Variants in ZNF507 observed in about 807,000 individuals in gnomAD.
ZNF507 encodes the protein zinc finger protein 507.
A neutral mutation model predicts 80.0 loss-of-function variants in ZNF507; 29 were observed. The ratio of observed to expected loss-of-function variants is 0.36; its 90% CI spans 0.27 to 0.49. The LOEUF (loss-of-function observed/expected upper bound fraction) is 0.49. Ranked by LOEUF, ZNF507 falls within the 20% of genes least tolerant of loss-of-function variation. The pLI, the probability that ZNF507 is intolerant of heterozygous loss-of-function variation, is 0.98. For missense variants in ZNF507, 1,081 were observed against 1,152.2 expected (o/e 0.94, Z 0.90); for synonymous variants, 462 against 422.5 (o/e 1.09, Z -1.15).
rs1967706588 is a variant in ZNF507, at chr19:32,387,646, T to G, written c.*4563T>G. 1 of 152,252 alleles carries G rather than the reference T, an allele frequency of 6.6e-6. No individual in the cohort carries two copies. Among genetic ancestry groups the G allele is most frequent in the Admixed American group, 6.5e-5 (1 of 15,286 alleles). 9.4% of individuals were successfully genotyped at this position (152,252 alleles called of 1,614,324 possible). A position where few individuals can be genotyped will look rare whatever the true frequency, so the allele number is the denominator to read the frequency against. ...ATTACATGTTGAAATGATATTTTGG[T>G]TTAAATAAAATATTAAAATTAGTTT... On this transcript the variant is annotated 3_prime_UTR_variant, in exon 7 of 7. Transcript: ENST00000355898.
intron 5 of ZNF507, among the ~76,000 whole-genome samples, chr19:32,365,694 T>G (rs1568306706): frequency 6.6e-6 from 1 of 152,180 alleles, no homozygotes; most frequent in Non-Finnish European, 1.5e-5. Flanking sequence ...AACAAAACAT[T>G]GTCCTAAGAG....
In ZNF507 at chr19:32,382,579, G is replaced by A. The variant is rs373773535; in HGVS notation, c.2473G>A (p.Asp825Asn). Reference sequence around the variant, plus strand: ...CGAACAAGTAAACAAGGCTATTAACGACGCGATTTCACAAAGTGGCAGGTA... The same window carrying A: ...CGAACAAGTAAACAAGGCTATTAACAACGCGATTTCACAAAGTGGCAGGTA... ...NYEQVNKAINDAISQSGRVLG... is the reference protein window; with the variant it reads ...NYEQVNKAINNAISQSGRVLG... The change falls in exon 6 of 7, where the codon GAC (aspartate) becomes AAC (asparagine). Residue 825 changes from aspartate (D) to asparagine (N), a missense_variant. Coordinates refer to ENST00000355898, the MANE Select transcript of ZNF507 (RefSeq NM_001136156.2). 1.9e-5 allele frequency: 31 copies of A among 1,613,976 alleles called. No homozygotes were observed. The African/African-American group carries it at 3.5e-4, about 18-fold the overall frequency.
chr19:32,377,487 A>G (rs1328862724), intron 5 of ZNF507, among the ~76,000 whole-genome samples: 1 of 152,226 alleles, frequency 6.6e-6, no homozygotes, highest in Non-Finnish European at 1.5e-5. Flanking sequence ...ATGATTAATG[A>G]TATTCATATA....
intron 5 of ZNF507, among the ~76,000 whole-genome samples, chr19:32,375,965 C>T (rs763361190): frequency 2.2e-4 from 34 of 151,146 alleles, no homozygotes; most frequent in Non-Finnish European, 4.6e-4. Context: ...AAACTGTGTT[C>T]TCAGAAGCTT....
At chr19:32,365,221 C>T (rs1478216211) in intron 5 of ZNF507, among the ~76,000 whole-genome samples, 4 of 152,044 alleles carry the variant, frequency 2.6e-5, no homozygotes, top group Non-Finnish European at 5.9e-5. Flanking sequence ...TGTTTGAGTT[C>T]ATTGTAGATT....
In ZNF507 at chr19:32,348,316, T is replaced by C. The variant is rs374382801; in HGVS notation, c.-3+978T>C. On this transcript the variant is annotated intron_variant, in intron 2 of 6. Coordinates refer to ENST00000355898, the MANE Select transcript of ZNF507 (RefSeq NM_001136156.2). ...TTTTATAGCACAATTTTTTTTTTTT[T>C]CCCATTTTGGAAAAAACAAATTCTT... Among the ~76,000 whole-genome samples, 485 of 142,432 alleles carry C rather than the reference T, an allele frequency of 3.4e-3. 1 individual carries two copies. The highest frequency in any genetic ancestry group is 3.9e-3 in the Admixed American group (55 of 14,106). The allele number at this position is 142,432 out of a possible 152,430, so 93.4% of individuals were successfully genotyped here. A position where few individuals can be genotyped will look rare whatever the true frequency, so the allele number is the denominator to read the frequency against.
In ZNF507 at chr19:32,353,754, T is replaced by C; in HGVS notation, c.924T>C (p.Ala308=). 6.2e-7 allele frequency: 1 copy of C among 1,614,182 alleles called. No homozygotes were observed. The highest frequency in any genetic ancestry group is 1.1e-5 in the South Asian group (1 of 91,080). The change falls in exon 3 of 7, where the codon GCT becomes GCC. Residue 308 remains alanine, a synonymous_variant. Coordinates refer to ENST00000355898, the MANE Select transcript of ZNF507 (RefSeq NM_001136156.2). ...APGGVDAVVI[A]IGESELSIHN... is the part of the protein sequence containing the mutation. ...GTGGGGTCGATGCAGTCGTCATTGCTATTGGAGAGAGTGAACTGAGTATCC... is the reference window on the plus strand; with the variant it reads ...GTGGGGTCGATGCAGTCGTCATTGCCATTGGAGAGAGTGAACTGAGTATCC...
chr19:32,379,987 T>C (rs983135071), intron 5 of ZNF507, among the ~76,000 whole-genome samples: 3 of 152,172 alleles, frequency 2.0e-5, no homozygotes, highest in South Asian at 2.1e-4. Flanking sequence ...TTAATAGATA[T>C]TGCCAAATTG....
chr19:32,366,167 A>G (rs186282429), intron 5 of ZNF507, among the ~76,000 whole-genome samples: 67 of 152,278 alleles, frequency 4.4e-4, no homozygotes, highest in Admixed American at 1.2e-3. Context: ...CGCTCTATTA[A>G]GAGAGTATCT....
intron 3 of ZNF507, among the ~76,000 whole-genome samples, chr19:32,355,263 T>C (rs1967237035): frequency 6.6e-6 from 1 of 152,036 alleles, no homozygotes; most frequent in African/African-American, 2.4e-5. Flanking sequence ...TGGATTGACA[T>C]ACGTTTGACT....
chr19:32,375,528 G>C (rs1967535174), intron 5 of ZNF507, among the ~76,000 whole-genome samples: 1 of 152,188 alleles, frequency 6.6e-6, no homozygotes, highest in Admixed American at 6.5e-5. Flanking sequence ...GGGAAAGAAA[G>C]AAGAGATATT....
intron 5 of ZNF507, among the ~76,000 whole-genome samples, chr19:32,361,764 C>T (rs1309456495): frequency 6.9e-6 from 1 of 144,112 alleles, no homozygotes; most frequent in Non-Finnish European, 1.5e-5. Context: ...CTTTTCTTCC[C>T]TCCCTCCCTC....
intron 2 of ZNF507, among the ~76,000 whole-genome samples, chr19:32,350,334 A>G (rs1000890634): frequency 7.9e-5 from 12 of 151,728 alleles, no homozygotes; most frequent in Non-Finnish European, 4.4e-5. Flanking sequence ...TATAGCTGCC[A>G]TTACTGTACT....
intron 5 of ZNF507, among the ~76,000 whole-genome samples, chr19:32,380,253 G>C (rs537404288): frequency 6.6e-6 from 1 of 152,228 alleles, no homozygotes; most frequent in South Asian, 2.1e-4. Flanking sequence ...CACTTAGGGA[G>C]TATGAGGTAG....
intron 5 of ZNF507, among the ~76,000 whole-genome samples, chr19:32,370,716 G>C (rs916807886): frequency 6.6e-6 from 1 of 152,106 alleles, no homozygotes; most frequent in South Asian, 2.1e-4. Context: ...TTTCTTTGCT[G>C]TGCAGAAGTT....
rs987257402 is a variant in ZNF507 at position 32,354,363 on chromosome 19, A to G, written c.1533A>G (p.Thr511=). 95 of 1,614,082 alleles carry G rather than the reference A, an allele frequency of 5.9e-5. No individual in the cohort carries two copies. The highest frequency in any genetic ancestry group is 7.8e-5 in the Non-Finnish European group (92 of 1,180,044). ...VTMPIRAAEL[T]RANLGHYGDI... is the part of the protein sequence containing the mutation. Reference sequence around the variant, plus strand: ...TGCCTATAAGAGCTGCAGAGTTGACAAGAGCCAACCTGGGGCACTATGGAG... The same window carrying G: ...TGCCTATAAGAGCTGCAGAGTTGACGAGAGCCAACCTGGGGCACTATGGAG... Residue 511 remains threonine (T), a synonymous_variant, in exon 3 of 7, where the codon ACA becomes ACG. Transcript: ENST00000355898.
intron 2 of ZNF507, among the ~76,000 whole-genome samples, chr19:32,348,527 TAAAG>T (rs1018385487): frequency 1.3e-5 from 2 of 152,090 alleles, no homozygotes; most frequent in Non-Finnish European, 2.9e-5. Flanking sequence ...TATAAGGAAA[TAAAG>T]ACAACTGAAA....
chr19:32,380,108 C>CA (rs1967604383), intron 5 of ZNF507, among the ~76,000 whole-genome samples: 1 of 152,098 alleles, frequency 6.6e-6, no homozygotes, highest in African/African-American at 2.4e-5. Flanking sequence ...TTATCTTTGC[C>CA]AGTCTGAGGG....
intron 4 of ZNF507, chr19:32,359,336 T>C (rs907080280): frequency 6.6e-6 from 1 of 152,206 alleles, no homozygotes; most frequent in African/African-American, 2.4e-5. Context: ...AGGATTTTCT[T>C]TGTTGAAATT....
Sources: allele counts gnomAD v4.1 joint callset (sites outside exome capture counted in the v4.1 genomes callset), GRCh38; gene constraint gnomAD v4.1.1; transcripts MANE v1.5; gene names NCBI Gene and HGNC (gene_info 2026-07-23, HGNC 2026-07-21).